SMR3A: variants seen among roughly 807,000 people sequenced by gnomAD.
SMR3A encodes submaxillary gland androgen-regulated protein 3A.
For missense variants in SMR3A, 188 were observed against 163.0 expected (o/e 1.15, Z -0.84); for synonymous variants, 48 against 57.4 (o/e 0.84, Z 0.74).
chr4:70,365,837 C>T (rs965843356), intron 2 of SMR3A, among the ~76,000 whole-genome samples: 1 of 152,026 alleles, frequency 6.6e-6, no homozygotes, highest in Non-Finnish European at 1.5e-5. Context: ...CAACCCTGAA[C>T]TCTTGAATTA....
intron 1 of SMR3A, among the ~76,000 whole-genome samples, chr4:70,361,544 T>C (rs1329628278): frequency 1.3e-5 from 2 of 151,864 alleles, no homozygotes; most frequent in Non-Finnish European, 1.5e-5. Context: ...TAAATTAATT[T>C]AGTGGAATGT....
chr4:70,361,604 TCAAA>T (rs1433581084), intron 1 of SMR3A, among the ~76,000 whole-genome samples: 13 of 151,844 alleles, frequency 8.6e-5, no homozygotes, highest in African/African-American at 1.2e-4. Context: ...TTACACTACA[TCAAA>T]CAGAGTGATT....
chr4:70,365,090 T>G (rs1189702247), intron 2 of SMR3A, among the ~76,000 whole-genome samples: 1 of 152,044 alleles, frequency 6.6e-6, no homozygotes. Context: ...TTGCATATTT[T>G]CCTTCTATTT....
chr4:70,365,035 T>G (rs1238634888), intron 2 of SMR3A, among the ~76,000 whole-genome samples: 2 of 151,974 alleles, frequency 1.3e-5, no homozygotes, highest in African/African-American at 4.8e-5. Context: ...CAACCTGGAG[T>G]TCTTGCCGTC....
chr4:70,366,983 C>T lies in SMR3A; in HGVS notation c.394C>T (p.Pro132Ser). 1 of 1,612,798 alleles carries T rather than the reference C, an allele frequency of 6.2e-7. No homozygotes were observed. The highest frequency in any genetic ancestry group is 8.5e-7 in the Non-Finnish European group (1 of 1,179,260). ...TCCAACTGATCCTGCCCTCCCTACT[C>T]CTGCACCCTAAATACAGACAACTGC... ...NSPTDPALPTPAP is the reference protein window; with the variant it reads ...NSPTDPALPTSAP Residue 132 changes from proline (P) to serine (S), a missense_variant, in exon 3 of 3, where the codon CCT (proline) becomes TCT (serine). Pro to Ser is a moderately conservative substitution (Grantham distance 74). Transcript: ENST00000226460.
chr4:70,362,205 C>A (rs536545335), intron 2 of SMR3A, 36 bp downstream of exon 2: 17 of 1,453,688 alleles, frequency 1.2e-5, no homozygotes, highest in Middle Eastern at 1.8e-4. Flanking sequence ...CATCTTTATA[C>A]TTTCTCATTA....
intron 2 of SMR3A, among the ~76,000 whole-genome samples, chr4:70,366,245 C>T (rs73824656): frequency 0.13 from 19,677 of 151,462 alleles, 1,351 homozygotes; most frequent in East Asian, 0.18. Context: ...TTCTGCACCT[C>T]AGTGTCCTTT....
At chr4:70,365,933 G>A (rs1330298496) in intron 2 of SMR3A, among the ~76,000 whole-genome samples, 1 of 152,010 alleles carries the variant, frequency 6.6e-6, no homozygotes, top group African/African-American at 2.4e-5. Flanking sequence ...TACAGGCCAA[G>A]GATAAGATTT....
In SMR3A at chr4:70,364,495, G is replaced by T. The variant is rs374820195; in HGVS notation, c.55-2149G>T. 7.0e-3 allele frequency among the ~76,000 whole-genome samples: 588 copies of T among 83,778 alleles called. 5 individuals carry two copies. The highest frequency in any genetic ancestry group is 0.044 in the Middle Eastern group (8 of 182). 55.0% of individuals were successfully genotyped at this position (83,778 alleles called of 152,430 possible). ...CTGAAGAAAATGAGCTAATTAAATG[G>T]CAGATATTACTTGCAGAAAGTAAAA... On this transcript the variant is annotated intron_variant, in intron 2 of 2. Coordinates refer to ENST00000226460, the MANE Select transcript of SMR3A (RefSeq NM_012390.4).
rs771013127 is a variant in SMR3A, at chr4:70,367,032, G to T, written c.*38G>T. 6.5e-7 allele frequency: 1 copy of T among 1,548,714 alleles called. No individual in the cohort carries two copies. On this transcript the variant is annotated 3_prime_UTR_variant, in exon 3 of 3. Transcript: ENST00000226460. ...GCAACAGGTGCCACCACCCACAAAA[G>T]ACAACACTACCCTCGTAACTACTGC...
chr4:70,361,517 G>A (rs34616337), intron 1 of SMR3A, among the ~76,000 whole-genome samples: 82,200 of 151,660 alleles, frequency 0.54, 23,248 homozygotes, highest in Non-Finnish European at 0.62. Flanking sequence ...AGCACTTTGA[G>A]ACCACACATC....
In SMR3A at chr4:70,366,743, C is replaced by T. The variant is rs1177790177; in HGVS notation, c.154C>T (p.Pro52Ser). ...TCCTTTTGGAACAGGATTTGTTCCA[C>T]CACCCCATCCTCCACCCTATGGTCC... ...CFPFGTGFVP[P>S]PHPPPYGPGR... Residue 52 changes from proline (P) to serine (S), a missense_variant, in exon 3 of 3, where the codon CCA becomes TCA. Pro to Ser is a moderately conservative substitution (Grantham distance 74). Transcript: ENST00000226460. 6.2e-7 allele frequency: 1 copy of T among 1,612,346 alleles called. No homozygotes were observed. The highest frequency in any genetic ancestry group is 1.7e-4 in the Middle Eastern group (1 of 6,052).
chr4:70,365,729 A>G (rs190797037), intron 2 of SMR3A, among the ~76,000 whole-genome samples: 2 of 152,136 alleles, frequency 1.3e-5, no homozygotes, highest in African/African-American at 4.8e-5. Flanking sequence ...TGCCAGGTTG[A>G]CATTCATGAC....
At chr4:70,362,978 A>G (rs1560522168) in intron 2 of SMR3A, among the ~76,000 whole-genome samples, 2 of 151,900 alleles carry the variant, frequency 1.3e-5, no homozygotes, top group Non-Finnish European at 2.9e-5. Context: ...ACTTTTAAAA[A>G]CTTGAATAAA....
chr4:70,365,163 A>G (rs1319377167), intron 2 of SMR3A, among the ~76,000 whole-genome samples: 1 of 152,048 alleles, frequency 6.6e-6, no homozygotes, highest in African/African-American at 2.4e-5. Context: ...TATCACAGAG[A>G]CAATCCTTTA....
At chr4:70,361,700 A>C (rs989564361) in intron 1 of SMR3A, among the ~76,000 whole-genome samples, 2 of 151,848 alleles carry the variant, frequency 1.3e-5, no homozygotes, top group African/African-American at 2.4e-5. Flanking sequence ...TTTCAAACCC[A>C]AGCCTATAGA....
chr4:70,363,868 A>G (rs995174528), intron 2 of SMR3A, among the ~76,000 whole-genome samples: 1 of 152,032 alleles, frequency 6.6e-6, no homozygotes, highest in South Asian at 2.1e-4. Flanking sequence ...ACAATAAAAA[A>G]TCAAATCCTG....
At chr4:70,362,326 T>A (rs577224352) in intron 2 of SMR3A, among the ~76,000 whole-genome samples, 157 bp downstream of exon 2, 2 of 152,016 alleles carry the variant, frequency 1.3e-5, no homozygotes, top group African/African-American at 4.8e-5. Flanking sequence ...AAATTTAAAA[T>A]CTAATTTAAT....
intron 2 of SMR3A, among the ~76,000 whole-genome samples, chr4:70,366,437 G>C (rs1174532493): frequency 1.3e-5 from 2 of 151,964 alleles, no homozygotes; most frequent in Non-Finnish European, 2.9e-5. Flanking sequence ...GAAAGCATTT[G>C]CTGCAGCTTC....
Sources: gnomAD v4.1 joint callset for allele counts (sites outside exome capture counted in the v4.1 genomes callset) on GRCh38, gnomAD v4.1.1 for gene constraint, MANE v1.5 for transcripts, NCBI Gene and HGNC (gene_info 2026-07-23, HGNC 2026-07-21) for gene names.